Variants in PTPRE observed in about 807,000 individuals in gnomAD.
The protein encoded by PTPRE is receptor-type tyrosine-protein phosphatase epsilon.
In PTPRE, 51 loss-of-function variants were observed where a neutral mutation model predicts 102.0. The ratio of observed to expected loss-of-function variants is 0.50; its 90% CI spans 0.40 to 0.63. PTPRE has a LOEUF of 0.63. Among genes scored for constraint, PTPRE ranks in the 30% least tolerant of loss-of-function variants. The probability of loss-of-function intolerance (pLI) is 0.00; values close to 1 mark genes in which losing one functional copy is unlikely to be tolerated. For missense variants in PTPRE, 752 were observed against 915.1 expected (o/e 0.82, Z 2.30); for synonymous variants, 345 against 348.2 (o/e 0.99, Z 0.10).
chr10:127,918,073 G>A (rs1431965646), intron 1 of PTPRE, among the ~76,000 whole-genome samples: 1 of 151,782 alleles, frequency 6.6e-6, no homozygotes, highest in Non-Finnish European at 1.5e-5. Flanking sequence ...CAGAGAAGTC[G>A]GCTCACAGGG....
At chr10:127,955,035 A>G (rs1199454375) in intron 1 of PTPRE, among the ~76,000 whole-genome samples, 1 of 151,896 alleles carries the variant, frequency 6.6e-6, no homozygotes, top group Admixed American at 6.6e-5. Flanking sequence ...GGCTGCGGTG[A>G]CTGATCCAGA....
At chr10:127,932,336 A>G (rs1388759789) in intron 1 of PTPRE, among the ~76,000 whole-genome samples, 1 of 152,226 alleles carries the variant, frequency 6.6e-6, no homozygotes, top group Non-Finnish European at 1.5e-5. Flanking sequence ...TAAATTTTAT[A>G]TTTGGCCTAT....
At chr10:128,045,417 G>A (rs993886049) in intron 3 of PTPRE, among the ~76,000 whole-genome samples, 1 of 152,232 alleles carries the variant, frequency 6.6e-6, no homozygotes, top group African/African-American at 2.4e-5. Context: ...CACCATCTCT[G>A]CAGAAGCTGA....
intron 1 of PTPRE, among the ~76,000 whole-genome samples, chr10:127,918,919 G>A (rs1846401708): frequency 6.6e-6 from 1 of 152,202 alleles, no homozygotes; most frequent in Non-Finnish European, 1.5e-5. Flanking sequence ...GAAGAGGGAA[G>A]TTTAACTGGG....
At chr10:128,075,223 G>C (rs145963462) in intron 17 of PTPRE, among the ~76,000 whole-genome samples, 1 of 152,260 alleles carries the variant, frequency 6.6e-6, no homozygotes, top group East Asian at 1.9e-4. Flanking sequence ...TCCTTCTCCT[G>C]TCATGGGCAC....
At chr10:127,981,363 T>C (rs1305980523) in intron 1 of PTPRE, among the ~76,000 whole-genome samples, 1 of 152,186 alleles carries the variant, frequency 6.6e-6, no homozygotes, top group African/African-American at 2.4e-5. Context: ...TCTTTTTGAA[T>C]GATGAAAATG....
intron 2 of PTPRE, among the ~76,000 whole-genome samples, chr10:128,022,063 G>A (rs1275172683): frequency 6.6e-6 from 1 of 152,242 alleles, no homozygotes; most frequent in Non-Finnish European, 1.5e-5. Flanking sequence ...CCTGTTTGAA[G>A]GACGTGACAA....
chr10:127,915,894 T>C (rs992214461), intron 1 of PTPRE, among the ~76,000 whole-genome samples: 1 of 151,890 alleles, frequency 6.6e-6, no homozygotes, highest in Non-Finnish European at 1.5e-5. Context: ...TTTAAACTTA[T>C]GATATATTCT....
chr10:127,925,814 C>T (rs973803222), intron 1 of PTPRE, among the ~76,000 whole-genome samples: 1 of 152,214 alleles, frequency 6.6e-6, no homozygotes, highest in African/African-American at 2.4e-5. Context: ...GGAAGGACCT[C>T]CCCTGGGAGG....
chr10:128,069,626 CG>C (rs1850586367), intron 12 of PTPRE, 65 bp from the exon 13 acceptor site: 1 of 1,595,010 alleles, frequency 6.3e-7, no homozygotes, highest in African/African-American at 1.4e-5. Flanking sequence ...CAGGCCCCTT[CG>C]GGGCCTTTCA....
In PTPRE at chr10:128,085,311, T is replaced by C. The variant is rs1852012926; in HGVS notation, c.*2405T>C. The C allele has an allele frequency of 3.1e-6, 1 of 318,774 alleles. No individual in the cohort carries two copies. Among genetic ancestry groups the C allele is most frequent in the East Asian group, 7.8e-5 (1 of 12,846 alleles). 19.7% of individuals were successfully genotyped at this position (318,774 alleles called of 1,614,324 possible). ...TCTTGTTTCCTTCAGTCAAAGAAAGTCCATTGTACATAACAAAACAGCCCC... is the reference window on the plus strand; with the variant it reads ...TCTTGTTTCCTTCAGTCAAAGAAAGCCCATTGTACATAACAAAACAGCCCC... On this transcript the variant is annotated 3_prime_UTR_variant, in exon 21 of 21. Transcript: ENST00000254667.
chr10:128,012,169 G>A (rs1845073522), intron 2 of PTPRE, among the ~76,000 whole-genome samples: 1 of 152,148 alleles, frequency 6.6e-6, no homozygotes, highest in South Asian at 2.1e-4. Flanking sequence ...TGACAAGATT[G>A]TGAGCCCAGG....
At chr10:127,928,238 A>G (rs746995202) in intron 1 of PTPRE, among the ~76,000 whole-genome samples, 4 of 152,182 alleles carry the variant, frequency 2.6e-5, no homozygotes, top group Admixed American at 6.5e-5. Flanking sequence ...CGGACTTTAA[A>G]ATTCCTTTAA....
chr10:128,083,011 G>T lies in PTPRE; in HGVS notation c.*105G>T. 5.0e-6 allele frequency: 6 copies of T among 1,200,746 alleles called. No individual in the cohort carries two copies. Among genetic ancestry groups the T allele is most frequent in the Non-Finnish European group, 6.6e-6 (6 of 913,104 alleles). The allele number at this position is 1,200,746 out of a possible 1,614,324, so 74.4% of individuals were successfully genotyped here. ...CATTAATATCTTCCCTAATTTCTTT[G>T]TATATATTTTGTTATGCCTTAAAGG... On this transcript the variant is annotated 3_prime_UTR_variant, in exon 21 of 21. Coordinates refer to ENST00000254667, the MANE Select transcript of PTPRE (RefSeq NM_006504.6).
At chr10:128,020,836 G>A (rs995257959) in intron 2 of PTPRE, among the ~76,000 whole-genome samples, 3 of 152,132 alleles carry the variant, frequency 2.0e-5, no homozygotes, top group Non-Finnish European at 4.4e-5. Flanking sequence ...TAGAGGAAGC[G>A]GTGTGATTTG....
At position 128,082,195 on chromosome 10, in the gene PTPRE, CTTT is replaced by C. The variant is rs35709074; in HGVS notation, c.2029-611_2029-609del. ...TTAGTACTCTGATTTTTTTCTCTTT[CTTT>C]TTTTTTTTTTTTTTTTTTTTTTTTT... is the stretch of plus-strand genomic sequence containing the variant. On this transcript the variant is annotated intron_variant, in intron 20 of 20. Coordinates refer to ENST00000254667, the MANE Select transcript of PTPRE (RefSeq NM_006504.6). Among the ~76,000 whole-genome samples the C allele has an allele frequency of 3.9e-3, 347 of 88,806 alleles. 3 individuals carry two copies. The highest frequency in any genetic ancestry group is 0.015 in the African/African-American group (316 of 21,774). The allele number at this position is 88,806 out of a possible 152,430, so 58.3% of individuals were successfully genotyped here. A position where few individuals can be genotyped will look rare whatever the true frequency, so the allele number is the denominator to read the frequency against.
intron 3 of PTPRE, among the ~76,000 whole-genome samples, chr10:128,046,121 C>G (rs1430516239): frequency 6.6e-6 from 1 of 152,220 alleles, no homozygotes; most frequent in African/African-American, 2.4e-5. Context: ...GCGGACCACT[C>G]ATAGGGTGCC....
At chr10:127,977,152 C>T (rs949797681) in intron 1 of PTPRE, among the ~76,000 whole-genome samples, 10 of 152,132 alleles carry the variant, frequency 6.6e-5, no homozygotes, top group African/African-American at 2.4e-4. Flanking sequence ...CCTAATTGAT[C>T]AGGACAGCTC....
At position 128,049,575 on chromosome 10, in the gene PTPRE, A is replaced by G. The variant is rs756743346; in HGVS notation, c.329A>G (p.Lys110Arg). ...MLLSRSPSGPKKYFPIPVEHL... is the reference protein window; with the variant it reads ...MLLSRSPSGPRKYFPIPVEHL... ...CTCAGCAGGTCACCCTCAGGGCCCA[A>G]GAAGTATTTTCCCATCCCCGTGGAG... Residue 110 changes from lysine to arginine, a missense_variant, in exon 6 of 21, where the codon AAG becomes AGG. Lys to Arg is a conservative substitution (Grantham distance 26). Transcript: ENST00000254667. 7 of 1,614,040 alleles carry G rather than the reference A, an allele frequency of 4.3e-6. No homozygotes were observed. The highest frequency in any genetic ancestry group is 3.3e-5 in the South Asian group (3 of 91,090).
Sources: allele counts gnomAD v4.1 joint callset (sites outside exome capture counted in the v4.1 genomes callset), GRCh38; gene constraint gnomAD v4.1.1; transcripts MANE v1.5; gene names NCBI Gene and HGNC (gene_info 2026-07-23, HGNC 2026-07-21).